ZNF124: variants seen among roughly 807,000 people sequenced by gnomAD.
ZNF124 encodes the protein zinc finger protein HZF-16.
A neutral mutation model predicts 26.6 loss-of-function variants in ZNF124; 25 were observed. That is an observed-to-expected ratio of 0.94 (90% CI 0.68 to 1.31). The LOEUF (loss-of-function observed/expected upper bound fraction) is 1.31, where lower values mean the gene tolerates loss of function less well. ZNF124 is among the 40% of genes most tolerant of loss of function. The probability of loss-of-function intolerance (pLI) is 0.00; values close to 1 mark genes in which losing one functional copy is unlikely to be tolerated. For synonymous variants in ZNF124, 129 were observed against 133.3 expected (o/e 0.97, Z 0.22); for missense variants, 444 against 422.2 (o/e 1.05, Z -0.45).
Position 247,138,582 on chromosome 1 carries a change from G to A in ZNF124, c.219-14711C>T, listed in dbSNP as rs543432999. ...CATGTTCTACACGTATCCCGTTTTC[G>A]TTTGTTTTAGAAGAAATAAAACATA... On this transcript the variant is annotated intron_variant, in intron 3 of 3. Transcript: ENST00000472531. 61 of 388,988 alleles carry A rather than the reference G, an allele frequency of 1.6e-4. 1 individual carries two copies. The Admixed American group carries it at 1.9e-3, about 12-fold the overall frequency. 24.1% of individuals were successfully genotyped at this position (388,988 alleles called of 1,614,324 possible). A position where few individuals can be genotyped will look rare whatever the true frequency, so the allele number is the denominator to read the frequency against.
chr1:247,132,719 T>G (rs542643936), intron 3 of ZNF124, among the ~76,000 whole-genome samples: 1 of 152,324 alleles, frequency 6.6e-6, no homozygotes, highest in African/African-American at 2.4e-5. Context: ...GGTTGTGTTA[T>G]CTATAGATTC....
At chr1:247,126,363 G>A (rs1250394932) in intron 3 of ZNF124, among the ~76,000 whole-genome samples, 1 of 85,198 alleles carries the variant, frequency 1.2e-5, no homozygotes, top group African/African-American at 5.0e-5. Context: ...CAGGGGCACC[G>A]GGGCGGGGAC....
chr1:247,160,448 A>G (rs1236710618), intron 1 of ZNF124, among the ~76,000 whole-genome samples: 1 of 152,188 alleles, frequency 6.6e-6, no homozygotes, highest in Non-Finnish European at 1.5e-5. Flanking sequence ...GGTGTGCATA[A>G]GAGAGTTAAT....
At chr1:247,124,451 G>C (rs540884764) in intron 3 of ZNF124, among the ~76,000 whole-genome samples, 1 of 146,778 alleles carries the variant, frequency 6.8e-6, no homozygotes, top group Admixed American at 6.8e-5. Context: ...TCTACCCGCC[G>C]CGGCTTCCCA....
chr1:247,147,165 GTTTT>G (rs112821147), intron 3 of ZNF124, among the ~76,000 whole-genome samples: 5 of 136,586 alleles, frequency 3.7e-5, no homozygotes, highest in Non-Finnish European at 7.9e-5. Flanking sequence ...GTTTTAGCAA[GTTTT>G]TTTTTTTTTT....
chr1:247,154,117 GAC>G (rs67344627), downstream of ZNF124, among the ~76,000 whole-genome samples: 67,284 of 149,426 alleles, frequency 0.45, 16,913 homozygotes, highest in African/African-American at 0.72. Flanking sequence ...GCATATGTGT[GAC>G]ACACACACAC....
At position 247,155,876 on chromosome 1, in the gene ZNF124, A is replaced by AAC; in HGVS notation, c.*689_*690insGT. 2 of 788,892 alleles carry AAC rather than the reference A, an allele frequency of 2.5e-6. No individual in the cohort carries two copies. The highest frequency in any genetic ancestry group is 5.8e-5 in the South Asian group (1 of 17,196). The allele number at this position is 788,892 out of a possible 1,614,324, so 48.9% of individuals were successfully genotyped here. A position where few individuals can be genotyped will look rare whatever the true frequency, so the allele number is the denominator to read the frequency against. On this transcript the variant is annotated 3_prime_UTR_variant, in exon 4 of 4. Coordinates refer to ENST00000543802, the MANE Select transcript of ZNF124 (RefSeq NM_001297568.2). ...ACTCCATCTCAAAAAAAAAAAAAAA[A>AAC]GTCTCACCTCAATTTTTTTTTTTTC... is the stretch of plus-strand genomic sequence containing the variant.
intron 3 of ZNF124, among the ~76,000 whole-genome samples, chr1:247,142,841 C>CTT (rs56080219): frequency 0.052 from 7,527 of 143,754 alleles, 230 homozygotes; most frequent in African/African-American, 0.08. Flanking sequence ...CAGGTATTGT[C>CTT]TTTTTTTTTT....
intron 1 of ZNF124, among the ~76,000 whole-genome samples, chr1:247,169,424 T>G (rs1298872043): frequency 6.6e-6 from 1 of 152,174 alleles, no homozygotes; most frequent in Non-Finnish European, 1.5e-5. Context: ...TTTAAGGTTG[T>G]TTTTCTCCCT....
chr1:247,146,728 A>G (rs1166920440), intron 3 of ZNF124, among the ~76,000 whole-genome samples: 6 of 152,224 alleles, frequency 3.9e-5, no homozygotes, highest in Admixed American at 3.9e-4. Flanking sequence ...TTGAGAAAAC[A>G]GTGCTTACTA....
chr1:247,163,579 G>A (rs1673616084), intron 1 of ZNF124, among the ~76,000 whole-genome samples: 1 of 151,728 alleles, frequency 6.6e-6, no homozygotes, highest in Non-Finnish European at 1.5e-5. Flanking sequence ...AACCTCCCAA[G>A]ATTGAACCAG....
chr1:247,159,927 G>A, intron 1 of ZNF124, 114 bp from the exon 2 acceptor site: 1 of 1,319,610 alleles, frequency 7.6e-7, no homozygotes. Context: ...TCTACTATTT[G>A]GTCACTAGAA....
At chr1:247,128,250 T>TA (rs1439501102) in intron 3 of ZNF124, among the ~76,000 whole-genome samples, 5 of 151,670 alleles carry the variant, frequency 3.3e-5, no homozygotes, top group Admixed American at 6.6e-5. Context: ...TAGTCCACTA[T>TA]AAAAAATTCT....
chr1:247,162,526 T>A (rs866789549), intron 1 of ZNF124, among the ~76,000 whole-genome samples: 40 of 151,376 alleles, frequency 2.6e-4, no homozygotes, highest in African/African-American at 9.5e-4. Flanking sequence ...AAGTACACGC[T>A]ATTATGTTCT....
rs1294791081 is a variant in ZNF124 at position 247,156,626 on chromosome 1, G to A, written c.996C>T (p.Thr332=). 1 of 1,580,762 alleles carries A rather than the reference G, an allele frequency of 6.3e-7. No homozygotes were observed. The highest frequency in any genetic ancestry group is 1.2e-5 in the South Asian group (1 of 85,092). The stretch of plus-strand genomic sequence containing the variant: ...TATGAGTTTTTTTATGCTTCCAAAG[G>A]GTACTAGCACGACTAAAGGCTTTGC... The part of the protein sequence containing the change: ...KCGKAFSRAS[T]LWKHKKTHTG... The change falls in exon 4 of 4, where the codon ACC becomes ACT. Residue 332 remains threonine, a synonymous_variant. Coordinates refer to ENST00000543802, the MANE Select transcript of ZNF124 (RefSeq NM_001297568.2).
At chr1:247,152,068 A>G (rs1235286198), downstream of ZNF124, among the ~76,000 whole-genome samples, 2 of 129,082 alleles carry the variant, frequency 1.5e-5, no homozygotes, top group Non-Finnish European at 3.3e-5. Flanking sequence ...TTTTTTTTTT[A>G]AGATCTAAAA....
chr1:247,122,391 A>C (rs1672103750), exon 4 of ZNF124: 1 of 152,310 alleles, frequency 6.6e-6, no homozygotes, highest in Non-Finnish European at 1.5e-5. Context: ...ACACAAATGA[A>C]CACAGGAAAG....
chr1:247,158,817 C>T (rs988499430), intron 3 of ZNF124, among the ~76,000 whole-genome samples, 189 bp downstream of exon 3: 10 of 152,034 alleles, frequency 6.6e-5, no homozygotes, highest in South Asian at 2.1e-4. Flanking sequence ...TTAGTAGAGA[C>T]GGGTTTTTGC....
chr1:247,145,003 T>C (rs1227574903), intron 3 of ZNF124, among the ~76,000 whole-genome samples: 1 of 152,156 alleles, frequency 6.6e-6, no homozygotes, highest in Non-Finnish European at 1.5e-5. Context: ...CTCGAACTCC[T>C]GACCTTGTGA....
Sources: allele counts gnomAD v4.1 joint callset (sites outside exome capture counted in the v4.1 genomes callset), GRCh38; gene constraint gnomAD v4.1.1; transcripts MANE v1.5; gene names NCBI Gene and HGNC (gene_info 2026-07-23, HGNC 2026-07-21).